Variants in FRRS1 observed in about 807,000 individuals in gnomAD.
The protein encoded by FRRS1 is ferric reductase 1.
FRRS1 carries 51 observed loss-of-function variants against 70.7 expected under a neutral mutation model. That is an observed-to-expected ratio of 0.72 (90% CI 0.58 to 0.91). FRRS1 has a LOEUF of 0.91. Ranked by LOEUF, FRRS1 falls within the 40% of genes least tolerant of loss-of-function variation. The probability of loss-of-function intolerance (pLI) is 0.00; values close to 1 mark genes in which losing one functional copy is unlikely to be tolerated. For synonymous variants in FRRS1, 225 were observed against 238.7 expected, an observed-to-expected ratio of 0.94 and a Z score of 0.53; for missense variants, 672 against 726.0, an observed-to-expected ratio of 0.93 and a Z score of 0.86.
chr1:99,728,371 C>T (rs1335845554), intron 9 of FRRS1, 122 bp downstream of exon 9: 3 of 849,644 alleles, frequency 3.5e-6, no homozygotes, highest in Non-Finnish European at 5.4e-6. Flanking sequence ...CAAAATTTGA[C>T]ATTTATAGGA....
At chr1:99,717,578 G>T in intron 10 of FRRS1, 53 bp from the exon 11 acceptor site, 1 of 1,250,344 alleles carries the variant, frequency 8.0e-7, no homozygotes, top group Non-Finnish European at 1.2e-6. Context: ...TCAAGCCATC[G>T]CTTAAATGAC....
chr1:99,722,255 C>T (rs1169564720), intron 9 of FRRS1, among the ~76,000 whole-genome samples: 2 of 152,008 alleles, frequency 1.3e-5, no homozygotes, highest in South Asian at 2.1e-4. Context: ...ATGATCTGCC[C>T]GTCTCGGTCT....
At chr1:99,760,957 A>G (rs1168666391) in intron 1 of FRRS1, among the ~76,000 whole-genome samples, 1 of 152,084 alleles carries the variant, frequency 6.6e-6, no homozygotes, top group East Asian at 1.9e-4. Context: ...GCCAGTAGGA[A>G]AGACTTCTGA....
intron 1 of FRRS1, among the ~76,000 whole-genome samples, chr1:99,749,968 C>T (rs1656489004): frequency 6.6e-6 from 1 of 152,202 alleles, no homozygotes; most frequent in South Asian, 2.1e-4. Flanking sequence ...AAGGAGTTTT[C>T]TATATCATAT....
intron 1 of FRRS1, among the ~76,000 whole-genome samples, chr1:99,753,254 CTCATGCCTGTAA>C (rs1656663878): frequency 6.7e-6 from 1 of 150,028 alleles, no homozygotes. Flanking sequence ...GGTGCGGTGG[CTCATGCCTGTAA>C]TCCCAGCACT....
In FRRS1 at chr1:99,708,316, T is replaced by G. The variant is rs1654091921; in HGVS notation, c.*712A>C. 6.6e-6 allele frequency among the ~76,000 whole-genome samples: 1 copy of G among 152,028 alleles called. No homozygotes were observed. Among genetic ancestry groups the G allele is most frequent in the Non-Finnish European group, 1.5e-5 (1 of 68,004 alleles). On this transcript the variant is annotated 3_prime_UTR_variant, in exon 17 of 17. Transcript: ENST00000646001. ...TTTGTAGTTCAAAATATATTTACCA[T>G]AGGCTGGGCGTGGTGGCTCACGCCT...
intron 1 of FRRS1, among the ~76,000 whole-genome samples, chr1:99,764,293 A>T (rs1050816483): frequency 6.6e-6 from 1 of 152,234 alleles, no homozygotes; most frequent in Non-Finnish European, 1.5e-5. Flanking sequence ...CATGCTTCCA[A>T]TTGTTCTCAA....
chr1:99,738,366 C>T (rs887455660), intron 6 of FRRS1, 98 bp from the exon 7 acceptor site: 11 of 748,240 alleles, frequency 1.5e-5, no homozygotes, highest in East Asian at 8.1e-5. Context: ...GGGTAGCTCC[C>T]AAATTAATGA....
At chr1:99,735,680 A>G (rs1655618573) in intron 7 of FRRS1, among the ~76,000 whole-genome samples, 1 of 152,184 alleles carries the variant, frequency 6.6e-6, no homozygotes, top group Non-Finnish European at 1.5e-5. Context: ...TTTTGTAAAC[A>G]TTTTTGAGGA....
intron 1 of FRRS1, among the ~76,000 whole-genome samples, chr1:99,756,623 G>T (rs1656848035): frequency 1.3e-5 from 2 of 152,100 alleles, no homozygotes; most frequent in Admixed American, 1.3e-4. Flanking sequence ...ATGTAAGAAA[G>T]TCATTGGAAA....
chr1:99,716,920 C>A (rs956424357), intron 11 of FRRS1, among the ~76,000 whole-genome samples: 6 of 152,178 alleles, frequency 3.9e-5, no homozygotes, highest in African/African-American at 1.4e-4. Flanking sequence ...CTCTTTCCAC[C>A]CATACAGGAG....
intron 9 of FRRS1, among the ~76,000 whole-genome samples, chr1:99,720,834 AACACACACACACACACAC>A (rs57397996): frequency 1.7e-4 from 23 of 137,236 alleles, no homozygotes; most frequent in East Asian, 4.3e-4. Flanking sequence ...AGCATTTCCT[AACACACACACACACACAC>A]ACACACACAC....
chr1:99,711,628 A>C (rs190461581), intron 14 of FRRS1: 1 of 155,406 alleles, frequency 6.4e-6, no homozygotes, highest in African/African-American at 2.4e-5. Flanking sequence ...GTTAAGGTAG[A>C]AGGTGCCTAC....
intron 7 of FRRS1, among the ~76,000 whole-genome samples, chr1:99,737,230 T>C (rs1655717674): frequency 6.6e-6 from 1 of 151,658 alleles, no homozygotes; most frequent in South Asian, 2.1e-4. Flanking sequence ...TACAGAATCA[T>C]TTAATCCATT....
intron 3 of FRRS1, 46 bp downstream of exon 3, chr1:99,748,527 A>AAAAG (rs746415584): frequency 7.3e-7 from 1 of 1,378,252 alleles, no homozygotes. Flanking sequence ...AATAAACAGT[A>AAAAG]AAAGAGTGAA....
At chr1:99,718,096 G>A (rs1654621909) in intron 10 of FRRS1, among the ~76,000 whole-genome samples, 1 of 152,288 alleles carries the variant, frequency 6.6e-6, no homozygotes, top group African/African-American at 2.4e-5. Flanking sequence ...AAGCTTAACT[G>A]TGATGGCATT....
chr1:99,763,761 G>A (rs533570015), intron 1 of FRRS1, among the ~76,000 whole-genome samples: 2 of 151,828 alleles, frequency 1.3e-5, no homozygotes, highest in African/African-American at 2.4e-5. Flanking sequence ...CCAGCTACTC[G>A]GGAGGCTGAG....
intron 7 of FRRS1, among the ~76,000 whole-genome samples, chr1:99,731,679 A>G (rs1571121053): frequency 6.6e-6 from 1 of 152,268 alleles, no homozygotes. Flanking sequence ...TCATTGGAAC[A>G]CAGCCACATT....
At position 99,710,821 on chromosome 1, in the gene FRRS1, G is replaced by A. The variant is rs745911674; in HGVS notation, c.1609C>T (p.Arg537Trp). The change falls in exon 15 of 17, where the codon CGG becomes TGG. Residue 537 changes from arginine to tryptophan, a missense_variant. Arg to Trp is a moderately radical substitution (Grantham distance 101, BLOSUM62 -3). Coordinates refer to ENST00000646001, the MANE Select transcript of FRRS1 (RefSeq NM_001361041.2). ...TEVVLEVHAY[R>W]LSRKVEILDD... ...ACCAGGTTACCTTTGCGAGAGAGCC[G>A]ATAAGCATGTACCTCCAGAACAACC... 2.5e-5 allele frequency: 40 copies of A among 1,613,582 alleles called. 1 individual carries two copies. The highest frequency in any genetic ancestry group is 6.7e-5 in the Admixed American group (4 of 59,956).
Sources: gnomAD v4.1 joint callset for allele counts (sites outside exome capture counted in the v4.1 genomes callset) on GRCh38, gnomAD v4.1.1 for gene constraint, MANE v1.5 for transcripts, NCBI Gene and HGNC (gene_info 2026-07-23, HGNC 2026-07-21) for gene names.